Variants in LRRC24 observed in about 807,000 individuals in gnomAD.
LRRC24 encodes leucine rich repeat containing 24.
Under a neutral mutation model 15.3 loss-of-function variants are expected in LRRC24, and 19 were observed. The ratio of observed to expected loss-of-function variants is 1.25; its 90% CI spans 0.87 to 1.83. LRRC24 has a LOEUF of 1.83. Ranked by LOEUF, LRRC24 falls within the 40% of genes most tolerant of loss-of-function variation. The probability of loss-of-function intolerance (pLI) is 0.00; values close to 1 mark genes in which losing one functional copy is unlikely to be tolerated. For missense variants in LRRC24, 914 were observed against 723.9 expected, an observed-to-expected ratio of 1.26 and a Z score of -3.01; for synonymous variants, 469 against 359.6, an observed-to-expected ratio of 1.30 and a Z score of -3.44.
rs1199327851 is a variant in LRRC24, at chr8:144,524,137, C to T, written c.580G>A (p.Ala194Thr). ...TISREALQPL[A>T]SLQVLRLTEN... Reference sequence around the variant, plus strand: ...GTGAGGCGCAGGACTTGCAGACTGGCCAGGGGCTGCAGGGCCTCTCGGCTG... The same window carrying T: ...GTGAGGCGCAGGACTTGCAGACTGGTCAGGGGCTGCAGGGCCTCTCGGCTG... Residue 194 changes from alanine (A) to threonine (T), a missense_variant, in exon 4 of 5, where the codon GCC (alanine) becomes ACC (threonine). Transcript: ENST00000529415. 1.2e-6 allele frequency: 2 copies of T among 1,606,944 alleles called. No homozygotes were observed. The highest frequency in any genetic ancestry group is 3.3e-5 in the Admixed American group (2 of 59,884).
chr8:144,524,739 G>A lies in LRRC24; in HGVS notation c.160-20C>T, dbSNP rs1281747938. The A allele has an allele frequency of 3.5e-6, 5 of 1,441,064 alleles. No homozygotes were observed. In the African/African-American group the frequency reaches 4.4e-5, roughly 13 times the overall value. 89.3% of individuals were successfully genotyped at this position (1,441,064 alleles called of 1,614,324 possible). ...CAGTGTCTGCAGGCCGGGGAAAGAG[G>A]AGGCGCTTACCCCGTTGCGGGGGTC... is the stretch of plus-strand genomic sequence containing the variant. On this transcript the variant is annotated intron_variant, in intron 2 of 4. Transcript: ENST00000529415.
chr8:144,526,172 G>C (rs1816352728), intron 1 of LRRC24: 1 of 152,188 alleles, frequency 6.6e-6, no homozygotes, highest in South Asian at 2.1e-4. Context: ...TTTAAATCTT[G>C]CCCTAAATTG....
At position 144,522,574 on chromosome 8, in the gene LRRC24, G is replaced by C. The variant is rs747969892; in HGVS notation, c.1443C>G (p.Ala481=). ...FVINRSKPLF[A]EGPAEAPADC... ...CAGCGGGCGCCTCCGCCGGACCCTC[G>C]GCGAAGAGCGGCTTGGAGCGGTTGA... Residue 481 remains alanine (A), a synonymous_variant, in exon 5 of 5, where the codon GCC becomes GCG. Transcript: ENST00000529415. 7.1e-6 allele frequency: 11 copies of C among 1,554,484 alleles called. No homozygotes were observed. The highest frequency in any genetic ancestry group is 2.8e-5 in the African/African-American group (2 of 71,016).
chr8:144,524,459 G>A lies in LRRC24; in HGVS notation c.420C>T (p.Phe140=). Reference sequence around the variant, plus strand: ...CGCTCACCGGCAGGTGCAAGAAGGTGAAATCCAGCAGCCGCGCCAGCTGGT... The same window carrying A: ...CGCTCACCGGCAGGTGCAAGAAGGTAAAATCCAGCAGCCGCGCCAGCTGGT... ...AGNQLARLLD[F]TFLHLPRLQE... Residue 140 remains phenylalanine, a synonymous_variant, in exon 3 of 5, where the codon TTC becomes TTT. Coordinates refer to ENST00000529415, the MANE Select transcript of LRRC24 (RefSeq NM_001024678.4). 2 of 1,597,950 alleles carry A rather than the reference G, an allele frequency of 1.3e-6. No individual in the cohort carries two copies. The highest frequency in any genetic ancestry group is 2.2e-5 in the East Asian group (1 of 44,872).
rs1816295680 is a variant in LRRC24, at chr8:144,524,761, G to A, written c.160-42C>T. 3.5e-6 allele frequency: 5 copies of A among 1,433,710 alleles called. No homozygotes were observed. The South Asian group carries it at 7.2e-5, about 21-fold the overall frequency. 88.8% of individuals were successfully genotyped at this position (1,433,710 alleles called of 1,614,324 possible). A position where few individuals can be genotyped will look rare whatever the true frequency, so the allele number is the denominator to read the frequency against. On this transcript the variant is annotated intron_variant, in intron 2 of 4. Transcript: ENST00000529415. ...GAGGAGGCGCTTACCCCGTTGCGGG[G>A]GTCTTCCTCTCCCTGGGGGCACCCC... is the stretch of plus-strand genomic sequence containing the variant.
chr8:144,526,304 A>C (rs1816357174), intron 1 of LRRC24: 2 of 152,230 alleles, frequency 1.3e-5, no homozygotes, highest in South Asian at 4.1e-4. Flanking sequence ...GTGAACCCCA[A>C]GAAGTTGGGG....
intron 4 of LRRC24, 186 bp downstream of exon 4, chr8:144,523,924 G>A: frequency 3.0e-6 from 2 of 674,172 alleles, no homozygotes; most frequent in Non-Finnish European, 5.1e-6. Flanking sequence ...TTTTCCCCAG[G>A]CAGGGTGCCT....
intron 3 of LRRC24, 65 bp from the exon 4 acceptor site, chr8:144,524,343 T>TA: frequency 6.3e-7 from 1 of 1,598,714 alleles, no homozygotes; most frequent in Non-Finnish European, 8.5e-7. Context: ...TCTCTCTTCT[T>TA]ACCAAGCTAG....
At position 144,523,212 on chromosome 8, in the gene LRRC24, G is replaced by A. The variant is rs1215463779; in HGVS notation, c.805C>T (p.Leu269Phe). The change falls in exon 5 of 5, where the codon CTC (leucine) becomes TTC (phenylalanine). Residue 269 changes from leucine (L) to phenylalanine (F), a missense_variant. Coordinates refer to ENST00000529415, the MANE Select transcript of LRRC24 (RefSeq NM_001024678.4). ...AGGTCCTCACCCAGGTTGGCTGTGA[G>A]CTCCAGCGGCTGCACGTGGACAGAG... Reference protein sequence around the residue: ...PPSVHVQPLELTANLGEDLRV... With the variant: ...PPSVHVQPLEFTANLGEDLRV... The A allele has an allele frequency of 1.9e-6, 3 of 1,609,238 alleles. No homozygotes were observed. Among genetic ancestry groups the A allele is most frequent in the Non-Finnish European group, 2.5e-6 (3 of 1,178,426 alleles).
chr8:144,525,453 C>T (rs1816328611), intron 1 of LRRC24, among the ~76,000 whole-genome samples: 1 of 152,180 alleles, frequency 6.6e-6, no homozygotes, highest in Admixed American at 6.5e-5. Context: ...GCTTAGGTGA[C>T]AAAGCCCGGG....
Position 144,522,954 on chromosome 8 carries a change from G to A in LRRC24, c.1063C>T (p.Arg355Cys). 1 of 1,575,042 alleles carries A rather than the reference G, an allele frequency of 6.3e-7. No homozygotes were observed. The highest frequency in any genetic ancestry group is 8.6e-7 in the Non-Finnish European group (1 of 1,168,188). Residue 355 changes from arginine (R) to cysteine (C), a missense_variant, in exon 5 of 5, where the codon CGC (arginine) becomes TGC (cysteine). By Grantham distance (180) the Arg-to-Cys change is radical (BLOSUM62 -3). Coordinates refer to ENST00000529415, the MANE Select transcript of LRRC24 (RefSeq NM_001024678.4). ...TTGACCAGGAGCCGGAAGGGCACGCGGGCAGCGCCGCCGGCGTTGGAGGCC... is the reference window on the plus strand; with the variant it reads ...TTGACCAGGAGCCGGAAGGGCACGCAGGCAGCGCCGCCGGCGTTGGAGGCC... Reference protein sequence around the residue: ...CEASNAGGAARVPFRLLVNAS... With the variant: ...CEASNAGGAACVPFRLLVNAS...
intron 1 of LRRC24, among the ~76,000 whole-genome samples, chr8:144,525,375 G>A (rs1006086444): frequency 3.3e-5 from 5 of 152,198 alleles, no homozygotes; most frequent in East Asian, 1.9e-4. Context: ...TCTACCCCCA[G>A]GCAAGTGGCT....
Position 144,524,524 on chromosome 8 carries a change from C to G in LRRC24, c.355G>C (p.Val119Leu). 6.3e-7 allele frequency: 1 copy of G among 1,591,316 alleles called. No individual in the cohort carries two copies. The highest frequency in any genetic ancestry group is 1.3e-5 in the African/African-American group (1 of 74,956). ...RLRGLRSGAF[V>L]GLAQLRVLYL... ...AGCACGCGCAGCTGGGCCAGGCCTACGAAGGCGCCGCTGCGCAAGCCGCGC... is the reference window on the plus strand; with the variant it reads ...AGCACGCGCAGCTGGGCCAGGCCTAGGAAGGCGCCGCTGCGCAAGCCGCGC... Residue 119 changes from valine to leucine, a missense_variant, in exon 3 of 5, where the codon GTA (valine) becomes CTA (leucine). Coordinates refer to ENST00000529415, the MANE Select transcript of LRRC24 (RefSeq NM_001024678.4).
Position 144,524,933 on chromosome 8 carries a change from TAGCAGCAGCAGC to T in LRRC24, c.30_41del (p.Leu13_Leu16del). On this transcript the variant is annotated inframe_deletion, in exon 2 of 5. Coordinates refer to ENST00000529415, the MANE Select transcript of LRRC24 (RefSeq NM_001024678.4). ...AGCCGGCGGCGCGGAGCGGCAGTAG[TAGCAGCAGCAGC>T]GGCAGCAGTGCGGGGGCCCTCAGGG... The T allele has an allele frequency of 1.3e-6, 2 of 1,510,860 alleles. No homozygotes were observed. Among genetic ancestry groups the T allele is most frequent in the Non-Finnish European group, 1.8e-6 (2 of 1,131,000 alleles). 93.6% of individuals were successfully genotyped at this position (1,510,860 alleles called of 1,614,324 possible).
In LRRC24 at chr8:144,523,405, G is replaced by C. The variant is rs748390301; in HGVS notation, c.612C>G (p.Asn204Lys). ...ASLQVLRLTENPWRCDCALHW... is the reference protein window; with the variant it reads ...ASLQVLRLTEKPWRCDCALHW... Reference sequence around the variant, plus strand: ...GCAGGGCGCAGTCACAGCGCCATGGGTTCTCTGTGGGAGAGCAGCGTTAGG... The same window carrying C: ...GCAGGGCGCAGTCACAGCGCCATGGCTTCTCTGTGGGAGAGCAGCGTTAGG... The change falls in exon 5 of 5, where the codon AAC becomes AAG. Residue 204 changes from asparagine to lysine, a missense_variant. Transcript: ENST00000529415. The C allele has an allele frequency of 6.5e-7, 1 of 1,529,614 alleles. No homozygotes were observed. Among genetic ancestry groups the C allele is most frequent in the Non-Finnish European group, 8.8e-7 (1 of 1,138,866 alleles). 94.8% of individuals were successfully genotyped at this position (1,529,614 alleles called of 1,614,324 possible).
chr8:144,525,916 A>T (rs1564826357), intron 1 of LRRC24: 1 of 152,052 alleles, frequency 6.6e-6, no homozygotes, highest in Non-Finnish European at 1.5e-5. Flanking sequence ...TTGCTGGGGG[A>T]CCATATACAT....
intron 4 of LRRC24, 127 bp downstream of exon 4, chr8:144,523,983 G>A (rs1816240517): frequency 4.5e-6 from 5 of 1,110,080 alleles, no homozygotes; most frequent in South Asian, 3.0e-5. Flanking sequence ...CAGTGTGGCT[G>A]CAGGCGGTGG....
chr8:144,525,941 G>T (rs556162094), intron 1 of LRRC24: 1 of 152,320 alleles, frequency 6.6e-6, no homozygotes, highest in African/African-American at 2.4e-5. Context: ...TTGTCGTAAA[G>T]AAATGGGAAG....
chr8:144,522,501 G>A lies in LRRC24; in HGVS notation c.1516C>T (p.Pro506Ser). 3.3e-6 allele frequency: 5 copies of A among 1,494,412 alleles called. No individual in the cohort carries two copies. The highest frequency in any genetic ancestry group is 4.4e-6 in the Non-Finnish European group (5 of 1,127,766). 92.6% of individuals were successfully genotyped at this position (1,494,412 alleles called of 1,614,324 possible). ...GAGPGLRVPP[P>S]VAYEIHC ...TAGCAGTGGATCTCGTAGGCGACCG[G>A]CGGGGGCACGCGGAGTCCCGGCCCC... The change falls in exon 5 of 5, where the codon CCG becomes TCG. Residue 506 changes from proline (P) to serine (S), a missense_variant. Pro to Ser is a moderately conservative substitution (Grantham distance 74). Coordinates refer to ENST00000529415, the MANE Select transcript of LRRC24 (RefSeq NM_001024678.4).
Sources: allele counts gnomAD v4.1 joint callset (sites outside exome capture counted in the v4.1 genomes callset), GRCh38; gene constraint gnomAD v4.1.1; transcripts MANE v1.5; gene names NCBI Gene and HGNC (gene_info 2026-07-23, HGNC 2026-07-21).